HECTD2: variants seen among roughly 807,000 people sequenced by gnomAD.
HECTD2 encodes the protein HECT domain E3 ubiquitin protein ligase 2, also known as probable E3 ubiquitin-protein ligase HECTD2.
In HECTD2, 35 loss-of-function variants were observed where a neutral mutation model predicts 103.2. The ratio of observed to expected loss-of-function variants is 0.34; its 90% CI spans 0.26 to 0.45. The LOEUF is 0.45. Among genes scored for constraint, HECTD2 ranks in the 20% least tolerant of loss-of-function variants. The pLI is 1.00. For synonymous variants in HECTD2, 281 were observed against 329.9 expected, an observed-to-expected ratio of 0.85 and a Z score of 1.61; for missense variants, 596 against 937.4, an observed-to-expected ratio of 0.64 and a Z score of 4.76.
At chr10:91,488,992 G>A (rs1239417210) in intron 11 of HECTD2, 3 of 152,118 alleles carry the variant, frequency 2.0e-5, no homozygotes, top group African/African-American at 7.2e-5. Flanking sequence ...ACAATGTCAT[G>A]TGCCTTTTTA....
Position 91,499,142 on chromosome 10 carries a change from G to A in HECTD2, c.1942G>A (p.Ala648Thr). ...YGFHSVCASNALMLLRPEEVE... is the reference protein window; with the variant it reads ...YGFHSVCASNTLMLLRPEEVE... Reference sequence around the variant, plus strand: ...ATTTCATAGTGTGTGTGCTTCAAATGCCCTAATGGTGAGTTTATAACTTTA... The same window carrying A: ...ATTTCATAGTGTGTGTGCTTCAAATACCCTAATGGTGAGTTTATAACTTTA... Residue 648 changes from alanine to threonine, a missense_variant, in exon 18 of 21, where the codon GCC (alanine) becomes ACC (threonine). By Grantham distance (58) the Ala-to-Thr change is moderately conservative. Transcript: ENST00000298068. The A allele has an allele frequency of 1.9e-6, 3 of 1,597,104 alleles. No individual in the cohort carries two copies. The highest frequency in any genetic ancestry group is 2.6e-6 in the Non-Finnish European group (3 of 1,165,110).
intron 2 of HECTD2, among the ~76,000 whole-genome samples, chr10:91,427,255 G>A (rs933983980): frequency 1.3e-5 from 2 of 151,738 alleles, no homozygotes; most frequent in African/African-American, 4.8e-5. Flanking sequence ...TATCATTGTT[G>A]GACATTTGGG....
intron 2 of HECTD2, among the ~76,000 whole-genome samples, chr10:91,430,327 G>T (rs1487755117): frequency 1.3e-5 from 2 of 152,078 alleles, no homozygotes; most frequent in South Asian, 4.1e-4. Flanking sequence ...AATAGGTGTG[G>T]TGTGGTGCTG....
intron 2 of HECTD2, among the ~76,000 whole-genome samples, chr10:91,428,673 C>G (rs914285221): frequency 6.5e-4 from 99 of 151,690 alleles, no homozygotes; most frequent in Non-Finnish European, 1.2e-3. Flanking sequence ...ATTTGGCTCT[C>G]TGTTTGTCTG....
At chr10:91,491,001 C>A (rs1366498521) in intron 11 of HECTD2, among the ~76,000 whole-genome samples, 199 bp from the exon 12 acceptor site, 1 of 150,944 alleles carries the variant, frequency 6.6e-6, no homozygotes, top group African/African-American at 2.4e-5. Flanking sequence ...TTTGGATCCC[C>A]TTTGGTTATC....
intron 20 of HECTD2, among the ~76,000 whole-genome samples, chr10:91,503,258 A>G (rs1432192055): frequency 6.6e-6 from 1 of 152,156 alleles, no homozygotes; most frequent in Non-Finnish European, 1.5e-5. Flanking sequence ...TAAAAAGTCA[A>G]AAAATGAGGG....
intron 5 of HECTD2, among the ~76,000 whole-genome samples, chr10:91,474,246 A>G (rs1845829653): frequency 6.6e-6 from 1 of 152,196 alleles, no homozygotes; most frequent in Admixed American, 6.5e-5. Context: ...GAATGAAAAC[A>G]AAAAATAAGA....
chr10:91,493,411 T>TG lies in HECTD2; in HGVS notation c.1433-9_1433-8insG. 6.9e-7 allele frequency: 1 copy of TG among 1,458,362 alleles called. No homozygotes were observed. Among genetic ancestry groups the TG allele is most frequent in the Non-Finnish European group, 9.2e-7 (1 of 1,089,978 alleles). 90.3% of individuals were successfully genotyped at this position (1,458,362 alleles called of 1,614,324 possible). ...TGTTAATAATAACATTATTCGTGTG[T>TG]TTTTTTAGGCATGTTTACATATCAC... On this transcript the variant is annotated splice_polypyrimidine_tract_variant and intron_variant, in intron 13 of 20. Transcript: ENST00000298068.
intron 20 of HECTD2, among the ~76,000 whole-genome samples, chr10:91,503,874 C>G (rs1002126599): frequency 3.3e-5 from 5 of 152,212 alleles, no homozygotes; most frequent in African/African-American, 7.2e-5. Context: ...CTTAAATGTC[C>G]CTGTCTGACA....
rs1473937641 is a variant in HECTD2, at chr10:91,500,202, A to G, written c.1951-300A>G. Among the ~76,000 whole-genome samples the G allele has an allele frequency of 2.0e-5, 3 of 152,332 alleles. No homozygotes were observed. The East Asian group carries it at 5.8e-4, about 29-fold the overall frequency. On this transcript the variant is annotated intron_variant, in intron 18 of 20. Coordinates refer to ENST00000298068, the MANE Select transcript of HECTD2 (RefSeq NM_182765.6). ...TAGGATACGGGATATTAGGTGGATCAGTAGATGTTGGAGCTTCATGCTGGT... is the reference window on the plus strand; with the variant it reads ...TAGGATACGGGATATTAGGTGGATCGGTAGATGTTGGAGCTTCATGCTGGT...
intron 2 of HECTD2, among the ~76,000 whole-genome samples, chr10:91,457,467 A>G (rs1404296854): frequency 1.3e-5 from 2 of 152,074 alleles, no homozygotes. Context: ...GTTATACACC[A>G]TGACCAAAAG....
intron 2 of HECTD2, among the ~76,000 whole-genome samples, chr10:91,444,482 T>C (rs1844507641): frequency 6.6e-6 from 1 of 152,212 alleles, no homozygotes; most frequent in Admixed American, 6.5e-5. Flanking sequence ...TGCAGAATGT[T>C]AACACACTAT....
chr10:91,508,460 G>A (rs11498671), intron 20 of HECTD2, among the ~76,000 whole-genome samples: 11,018 of 149,814 alleles, frequency 0.074, 797 homozygotes, highest in African/African-American at 0.19. Flanking sequence ...AAAAGTGGGC[G>A]AAGGACATGA....
chr10:91,425,294 G>A lies in HECTD2; in HGVS notation c.152G>A (p.Gly51Glu), dbSNP rs1356082185. ...GAGATAGLDR[G>E]AKGQISTFSS... The stretch of plus-strand genomic sequence containing the variant: ...TTCTGTTTTCAGGGTTTGGACAGAG[G>A]AGCCAAAGGCCAAATTTCCACTTTC... The change falls in exon 2 of 21, where the codon GGA becomes GAA. Residue 51 changes from glycine (G) to glutamate (E), a missense_variant. Transcript: ENST00000298068. 3.2e-6 allele frequency: 5 copies of A among 1,539,678 alleles called. No individual in the cohort carries two copies. Among genetic ancestry groups the A allele is most frequent in the Non-Finnish European group, 4.4e-6 (5 of 1,136,872 alleles).
At chr10:91,479,029 C>T (rs114917389) in intron 6 of HECTD2, among the ~76,000 whole-genome samples, 1,714 of 152,214 alleles carry the variant, frequency 0.011, 37 homozygotes, top group African/African-American at 0.039. Flanking sequence ...GTCTGGCCAA[C>T]ATGGTGAAAC....
intron 2 of HECTD2, among the ~76,000 whole-genome samples, chr10:91,429,265 C>T (rs1458022400): frequency 6.6e-6 from 1 of 152,134 alleles, no homozygotes; most frequent in African/African-American, 2.4e-5. Context: ...TGATGTGCTG[C>T]TGGATTCGGT....
intron 20 of HECTD2, among the ~76,000 whole-genome samples, chr10:91,505,542 G>T (rs1018785351): frequency 1.3e-5 from 2 of 151,772 alleles, no homozygotes; most frequent in Admixed American, 1.3e-4. Flanking sequence ...TTACATAGTG[G>T]TAAAGGGATC....
chr10:91,414,944 A>G (rs1472145959), intron 1 of HECTD2, among the ~76,000 whole-genome samples: 1 of 152,174 alleles, frequency 6.6e-6, no homozygotes, highest in African/African-American at 2.4e-5. Flanking sequence ...GAGGAACAAC[A>G]TAATGAAATC....
At chr10:91,425,151 T>A in intron 1 of HECTD2, 130 bp from the exon 2 acceptor site, 1 of 707,292 alleles carries the variant, frequency 1.4e-6, no homozygotes, top group Non-Finnish European at 2.0e-6. Flanking sequence ...TAAGTCAAAT[T>A]TATATACGTT....
Sources: gnomAD v4.1 joint callset for allele counts (sites outside exome capture counted in the v4.1 genomes callset) on GRCh38, gnomAD v4.1.1 for gene constraint, MANE v1.5 for transcripts, NCBI Gene and HGNC (gene_info 2026-07-23, HGNC 2026-07-21) for gene names.